Variants in SCAPER observed in about 807,000 individuals in gnomAD.
SCAPER encodes S-phase cyclin A associated protein in the ER, also known as S phase cyclin A-associated protein in the endoplasmic reticulum.
A neutral mutation model predicts 182.2 loss-of-function variants in SCAPER; 98 were observed. That is an observed-to-expected ratio of 0.54 (90% CI 0.46 to 0.64). The LOEUF is 0.64. Among genes scored for constraint, SCAPER ranks in the 30% least tolerant of loss-of-function variants. SCAPER has a pLI of 0.00. For synonymous variants in SCAPER, 605 were observed against 564.6 expected, an observed-to-expected ratio of 1.07 and a Z score of -1.01; for missense variants, 1,432 against 1,690.0, an observed-to-expected ratio of 0.85 and a Z score of 2.68.
intron 15 of SCAPER, among the ~76,000 whole-genome samples, chr15:76,739,630 A>G (rs1249475630): frequency 6.6e-6 from 1 of 152,240 alleles, no homozygotes; most frequent in Non-Finnish European, 1.5e-5. Context: ...TACTCACAAC[A>G]GTACACAATC....
At chr15:76,407,528 T>C (rs952041714) in intron 26 of SCAPER, among the ~76,000 whole-genome samples, 1 of 152,216 alleles carries the variant, frequency 6.6e-6, no homozygotes, top group Non-Finnish European at 1.5e-5. Context: ...AAAAGAGTTC[T>C]AACCAGAGTG....
intron 2 of SCAPER, among the ~76,000 whole-genome samples, chr15:76,866,873 T>C (rs2072337447): frequency 1.3e-5 from 2 of 152,136 alleles, no homozygotes; most frequent in South Asian, 4.1e-4. Flanking sequence ...ACAGGAGTCT[T>C]CAACAAAATA....
intron 23 of SCAPER, among the ~76,000 whole-genome samples, chr15:76,529,936 T>C (rs924213009): frequency 2.6e-5 from 4 of 152,012 alleles, no homozygotes; most frequent in African/African-American, 7.2e-5. Flanking sequence ...ACTCTGGAGG[T>C]TGTATAAAGA....
chr15:76,852,353 C>T (rs1160604099), intron 4 of SCAPER, among the ~76,000 whole-genome samples: 2 of 152,206 alleles, frequency 1.3e-5, no homozygotes, highest in Non-Finnish European at 2.9e-5. Context: ...TAGATCTCTA[C>T]AGAACTCTCC....
chr15:76,669,751 T>G (rs2056879918), intron 20 of SCAPER, among the ~76,000 whole-genome samples: 1 of 152,168 alleles, frequency 6.6e-6, no homozygotes. Context: ...AGATCAAGGT[T>G]TTTTATTACT....
chr15:76,622,925 T>C (rs1318435334), intron 21 of SCAPER, among the ~76,000 whole-genome samples: 1 of 152,196 alleles, frequency 6.6e-6, no homozygotes, highest in Non-Finnish European at 1.5e-5. Context: ...GATCTCTCAT[T>C]AACAGCCAGG....
rs114168326 is a variant in SCAPER, at chr15:76,434,730, T to C, written c.3079-420A>G. Among the ~76,000 whole-genome samples, 822 of 152,336 alleles carry C rather than the reference T, an allele frequency of 5.4e-3. 6 individuals are homozygous for C. Among genetic ancestry groups the C allele is most frequent in the African/African-American group, 0.019 (796 of 41,572 alleles). The stretch of plus-strand genomic sequence containing the variant: ...CTTATTACAGTGTATTAAAAAAATC[T>C]AACCTGAATTCCTCTATCAGGATGA... On this transcript the variant is annotated intron_variant, in intron 25 of 31. Transcript: ENST00000563290.
intron 21 of SCAPER, among the ~76,000 whole-genome samples, chr15:76,638,184 G>C (rs1322052989): frequency 6.6e-6 from 1 of 151,718 alleles, no homozygotes; most frequent in Non-Finnish European, 1.5e-5. Context: ...TTGCCATTTT[G>C]TTTTGTGATT....
At chr15:76,843,798 T>TAA (rs918872436) in intron 4 of SCAPER, among the ~76,000 whole-genome samples, 1 of 146,938 alleles carries the variant, frequency 6.8e-6, no homozygotes, top group African/African-American at 2.5e-5. Context: ...AAGCTCTCTT[T>TAA]AAAAAAAAAA....
chr15:76,731,186 C>T (rs537337899), intron 16 of SCAPER, among the ~76,000 whole-genome samples: 24 of 152,222 alleles, frequency 1.6e-4, no homozygotes, highest in African/African-American at 5.1e-4. Flanking sequence ...AGAATTAAAA[C>T]TTACAGCAAA....
At chr15:76,705,864 G>T in intron 18 of SCAPER, 39 bp downstream of exon 18, 1 of 1,397,864 alleles carries the variant, frequency 7.2e-7, no homozygotes, top group Non-Finnish European at 9.7e-7. Flanking sequence ...TCCACTGTAA[G>T]CTCTAAAATT....
At chr15:76,539,003 A>AAT (rs1450745616) in intron 23 of SCAPER, among the ~76,000 whole-genome samples, 25 of 152,226 alleles carry the variant, frequency 1.6e-4, no homozygotes, top group African/African-American at 5.8e-4. Context: ...AAACAAGTTT[A>AAT]TATGAATCAA....
intron 20 of SCAPER, among the ~76,000 whole-genome samples, chr15:76,685,440 G>C (rs969184035): frequency 2.6e-5 from 4 of 151,990 alleles, no homozygotes; most frequent in Non-Finnish European, 5.9e-5. Flanking sequence ...CTGGAAATAA[G>C]AGTTTAACAA....
At chr15:76,426,268 G>A (rs2046418663) in intron 26 of SCAPER, among the ~76,000 whole-genome samples, 2 of 152,300 alleles carry the variant, frequency 1.3e-5, no homozygotes, top group South Asian at 2.1e-4. Context: ...CACCCAGTTC[G>A]AGCTTCCTGG....
intron 5 of SCAPER, among the ~76,000 whole-genome samples, chr15:76,817,611 G>C (rs906675613): frequency 6.6e-6 from 1 of 152,076 alleles, no homozygotes; most frequent in Non-Finnish European, 1.5e-5. Context: ...TGAGGTGATA[G>C]GTTCATTTGC....
At chr15:76,822,147 A>G (rs1001613171) in intron 5 of SCAPER, among the ~76,000 whole-genome samples, 1 of 152,220 alleles carries the variant, frequency 6.6e-6, no homozygotes, top group African/African-American at 2.4e-5. Flanking sequence ...ACATAAATGT[A>G]AACTATGGAC....
intron 20 of SCAPER, among the ~76,000 whole-genome samples, chr15:76,683,679 C>G (rs1277901423): frequency 6.6e-6 from 1 of 151,928 alleles, no homozygotes; most frequent in Non-Finnish European, 1.5e-5. Context: ...AGATCACTTA[C>G]AAAAGGAACC....
rs569518193 is a variant in SCAPER, at chr15:76,733,283, C to T, written c.1968G>A (p.Gln656=). 1.8e-5 allele frequency: 29 copies of T among 1,607,848 alleles called. No homozygotes were observed. The South Asian group carries it at 2.9e-4, about 16-fold the overall frequency. Reference sequence around the variant, plus strand: ...CTTCCTGTCTTCTCTGACGCTCTTCCTGTAGCTCATTAAGCCTCTGTTCAT... The same window carrying T: ...CTTCCTGTCTTCTCTGACGCTCTTCTTGTAGCTCATTAAGCCTCTGTTCAT... The part of the protein sequence containing the change: ...KEYEQRLNEL[Q]EERQRRQEEK... The change falls in exon 16 of 32, where the codon CAG becomes CAA. Residue 656 remains glutamine, a synonymous_variant. Transcript: ENST00000563290.
Position 76,501,750 on chromosome 15 carries a change from G to C in SCAPER, c.2954+3109C>G, listed in dbSNP as rs56862671. On this transcript the variant is annotated intron_variant, in intron 24 of 31. Coordinates refer to ENST00000563290, the MANE Select transcript of SCAPER (RefSeq NM_020843.4). ...AAAGGTTCATGGAGTTGAGGGGTGG[G>C]AACCCGCTAGGGATGGAAAGATTCT... is the stretch of plus-strand genomic sequence containing the variant. Among the ~76,000 whole-genome samples the C allele has an allele frequency of 8.3e-3, 1,269 of 152,348 alleles. 13 individuals are homozygous for C. The highest frequency in any genetic ancestry group is 0.029 in the African/African-American group (1,197 of 41,582).
Sources: allele counts gnomAD v4.1 joint callset (sites outside exome capture counted in the v4.1 genomes callset), GRCh38; gene constraint gnomAD v4.1.1; transcripts MANE v1.5; gene names NCBI Gene and HGNC (gene_info 2026-07-23, HGNC 2026-07-21).